INF2: variants seen among roughly 807,000 people sequenced by gnomAD.
The protein encoded by INF2 is inverted formin-2.
In INF2, 43 loss-of-function variants were observed where a neutral mutation model predicts 123.5. The observed-to-expected ratio is 0.35, with a 90% CI of 0.27 to 0.45. The LOEUF (loss-of-function observed/expected upper bound fraction) is 0.45, where lower values mean the gene tolerates loss of function less well. Ranked by LOEUF, INF2 falls within the 20% of genes least tolerant of loss-of-function variation. INF2 has a pLI of 1.00. For synonymous variants in INF2, 851 were observed against 745.0 expected (o/e 1.14, Z -2.32); for missense variants, 1,453 against 1,682.7 (o/e 0.86, Z 2.39).
chr14:104,703,034 C>T (rs1050669607), intron 2 of INF2, 71 bp from the exon 3 acceptor site: 1 of 1,312,056 alleles, frequency 7.6e-7, no homozygotes, highest in African/African-American at 1.4e-5. Context: ...AGCCCCAGCC[C>T]TGAGCCCAGC....
intron 13 of INF2, chr14:104,710,703 G>T (rs1194336141): frequency 1.2e-5 from 7 of 582,786 alleles, no homozygotes; most frequent in Non-Finnish European, 2.1e-5. Flanking sequence ...AGAGGGACAG[G>T]TACGGACCAG....
Position 104,711,069 on chromosome 14 carries a change from C to A in INF2, c.2311-10C>A. 1.2e-6 allele frequency: 2 copies of A among 1,603,280 alleles called. No individual in the cohort carries two copies. The highest frequency in any genetic ancestry group is 1.1e-5 in the South Asian group (1 of 89,744). ...AGGGGCTGGTGAGACTCACTCCCTG[C>A]CCCTCCCAGGGCAGCCACACCGGTG... On this transcript the variant is annotated splice_polypyrimidine_tract_variant and intron_variant, in intron 14 of 22. Transcript: ENST00000392634.
chr14:104,710,353 C>T lies in INF2; in HGVS notation c.2239+165C>T, dbSNP rs562266294. ...TCCGGAAACCACCCTGCTGCCACCA[C>T]CTCGGTGCACACACCTACTGGACGC... On this transcript the variant is annotated intron_variant, in intron 13 of 22. Transcript: ENST00000392634. 5.4e-3 allele frequency among the ~76,000 whole-genome samples: 624 copies of T among 115,216 alleles called. 7 individuals carry two copies. The highest frequency in any genetic ancestry group is 0.016 in the African/African-American group (597 of 37,790). The allele number at this position is 115,216 out of a possible 152,430, so 75.6% of individuals were successfully genotyped here.
upstream of INF2, among the ~76,000 whole-genome samples, chr14:104,687,283 G>A (rs1167107929): frequency 1.3e-5 from 2 of 152,066 alleles, no homozygotes; most frequent in Admixed American, 6.5e-5. This position sits in a 1 kb window ranked among gnomAD's most constrained non-coding sequence, Gnocchi z 5.6. Flanking sequence ...AGGTACAGAG[G>A]GTTGAGGGTG....
intron 1 of INF2, chr14:104,690,498 C>T (rs1195973824): frequency 1.3e-5 from 2 of 152,652 alleles, no homozygotes; most frequent in African/African-American, 4.8e-5. Context: ...ACCCAGGGCT[C>T]CCGCAGCTCA....
At chr14:104,704,927 G>A (rs1320835361) in intron 5 of INF2, 1 of 152,226 alleles carries the variant, frequency 6.6e-6, no homozygotes, top group African/African-American at 2.4e-5. Flanking sequence ...TATGCCAAAA[G>A]TTATTCATTG....
rs1377970937 is a variant in INF2 at position 104,712,358 on chromosome 14, G to A, written c.2490-75G>A. ...GCACAGTGGGGTGCCGGGGGGTGCA[G>A]GGGAGGGGCTCCCCTGTCCCAGCGA... is the stretch of plus-strand genomic sequence containing the variant. On this transcript the variant is annotated intron_variant, in intron 16 of 22. Transcript: ENST00000392634. 3.1e-6 allele frequency: 5 copies of A among 1,596,954 alleles called. No homozygotes were observed. The Admixed American group carries it at 6.8e-5, about 22-fold the overall frequency.
At chr14:104,687,545 C>T (rs1172741530), upstream of INF2, among the ~76,000 whole-genome samples, 3 of 152,124 alleles carry the variant, frequency 2.0e-5, no homozygotes, top group Admixed American at 6.5e-5. This position sits in a 1 kb window ranked among gnomAD's most constrained non-coding sequence, Gnocchi z 5.6. Context: ...CACTCCCTGC[C>T]GACCCCAGGG....
chr14:104,689,590 TCCCGCCCGC>T (rs1271149380), upstream of INF2: 58 of 646,474 alleles, frequency 9.0e-5, no homozygotes, highest in East Asian at 1.7e-4. Flanking sequence ...CTCCTCTTCC[TCCCGCCCGC>T]CCCGCCCGCC....
intron 1 of INF2, among the ~76,000 whole-genome samples, chr14:104,701,018 T>G (rs1160660140): frequency 6.6e-6 from 1 of 152,024 alleles, no homozygotes; most frequent in Non-Finnish European, 1.5e-5. Context: ...CTCCCCAAGC[T>G]CATCCGGTCC....
intron 1 of INF2, among the ~76,000 whole-genome samples, chr14:104,700,553 G>T (rs1204715361): frequency 6.6e-6 from 1 of 152,180 alleles, no homozygotes; most frequent in African/African-American, 2.4e-5. Flanking sequence ...AGCGGCTGGG[G>T]GGATGTGGTG....
At chr14:104,694,937 C>T (rs914878343) in intron 1 of INF2, among the ~76,000 whole-genome samples, 3 of 152,144 alleles carry the variant, frequency 2.0e-5, no homozygotes, top group East Asian at 1.9e-4. Context: ...ACCCTGAAGC[C>T]GGGGCCTGGC....
intron 1 of INF2, among the ~76,000 whole-genome samples, chr14:104,694,746 CA>C: frequency 6.6e-6 from 1 of 152,308 alleles, no homozygotes; most frequent in African/African-American, 2.4e-5. Context: ...CCCCCACTCT[CA>C]ATCTGTCTTT....
chr14:104,682,240 G>A (rs969723154), intron 1 of INF2, among the ~76,000 whole-genome samples: 1 of 152,188 alleles, frequency 6.6e-6, no homozygotes, highest in African/African-American at 2.4e-5. Context: ...GCAGTGTGGG[G>A]AGGGACAGGG....
chr14:104,704,372 G>A, intron 5 of INF2: 2 of 277,690 alleles, frequency 7.2e-6, no homozygotes, highest in Non-Finnish European at 1.3e-5. Flanking sequence ...AGGGTACAGT[G>A]TTCGTCGCTA....
chr14:104,683,135 T>C (rs1028259385), intron 1 of INF2, among the ~76,000 whole-genome samples: 3 of 132,212 alleles, frequency 2.3e-5, no homozygotes, highest in Admixed American at 8.5e-5. Context: ...GCAGCAAAGG[T>C]CCTCAAAGAC....
upstream of INF2, chr14:104,689,590 T>TTCCC: frequency 4.6e-6 from 3 of 646,936 alleles, no homozygotes; most frequent in Non-Finnish European, 5.6e-6. Flanking sequence ...CTCCTCTTCC[T>TTCCC]CCCGCCCGCC....
chr14:104,693,358 C>T (rs1008289390), intron 1 of INF2, among the ~76,000 whole-genome samples: 3 of 152,202 alleles, frequency 2.0e-5, no homozygotes, highest in Admixed American at 6.5e-5. Flanking sequence ...AGGCAGAGGC[C>T]CCCAGGCAGC....
chr14:104,715,820 GGCATGTCCCCAGGAA>G (rs1208200535), intron 22 of INF2: 45 of 462,286 alleles, frequency 9.7e-5, no homozygotes, highest in Non-Finnish European at 8.2e-5. Flanking sequence ...GGCCTTCTGG[GGCATGTCCCCAGGAA>G]GTCTGTGAGG....
Sources: gnomAD v4.1 joint callset for allele counts (sites outside exome capture counted in the v4.1 genomes callset) on GRCh38, gnomAD v4.1.1 for gene constraint, Gnocchi (gnomAD v3.1) non-coding constraint, MANE v1.5 for transcripts, NCBI Gene and HGNC (gene_info 2026-07-23, HGNC 2026-07-21) for gene names.